The following NLGN1 variants were observed in gnomAD, a reference collection of about 807,000 sequenced individuals.
NLGN1 encodes the protein neuroligin-1.
In NLGN1, 12 loss-of-function variants were observed where a neutral mutation model predicts 65.5. The ratio of observed to expected loss-of-function variants is 0.18; its 90% CI spans 0.12 to 0.30. The LOEUF (loss-of-function observed/expected upper bound fraction) is 0.30. NLGN1 is among the 10% of genes least tolerant of loss of function. The probability of loss-of-function intolerance (pLI) is 1.00; values close to 1 mark genes in which losing one functional copy is unlikely to be tolerated. For synonymous variants in NLGN1, 350 were observed against 359.5 expected, an observed-to-expected ratio of 0.97 and a Z score of 0.30; for missense variants, 750 against 1,007.1, an observed-to-expected ratio of 0.74 and a Z score of 3.46.
chr3:173,829,197 C>T (rs549065583), intron 4 of NLGN1, among the ~76,000 whole-genome samples: 219 of 152,060 alleles, frequency 1.4e-3, no homozygotes, highest in Non-Finnish European at 2.6e-3. Flanking sequence ...ATATTCTGAG[C>T]GGGAGAAGAT....
chr3:173,715,574 G>A (rs1229717574), intron 3 of NLGN1, among the ~76,000 whole-genome samples: 3 of 152,188 alleles, frequency 2.0e-5, no homozygotes, highest in Non-Finnish European at 4.4e-5. Context: ...GGAAGGTTCT[G>A]TATCCCTTTT....
At chr3:173,752,521 A>C (rs1320277194) in intron 3 of NLGN1, among the ~76,000 whole-genome samples, 2 of 151,520 alleles carry the variant, frequency 1.3e-5, no homozygotes, top group Non-Finnish European at 2.9e-5. Flanking sequence ...GAATCAACCA[A>C]CTCTTCCTTA....
At chr3:173,607,910 G>A (rs1229679061) in intron 3 of NLGN1, among the ~76,000 whole-genome samples, 1 of 151,498 alleles carries the variant, frequency 6.6e-6, no homozygotes, top group Non-Finnish European at 1.5e-5. Flanking sequence ...TATTATGTAT[G>A]GATCACCTGC....
chr3:173,880,843 C>T (rs1733087937), intron 4 of NLGN1, among the ~76,000 whole-genome samples: 1 of 152,100 alleles, frequency 6.6e-6, no homozygotes, highest in African/African-American at 2.4e-5. Context: ...TGTTTGATAG[C>T]ATTTTACTCA....
chr3:173,506,838 C>T (rs1260117009), intron 2 of NLGN1, among the ~76,000 whole-genome samples: 3 of 152,084 alleles, frequency 2.0e-5, no homozygotes, highest in Admixed American at 2.0e-4. Flanking sequence ...TTGTGTCAGT[C>T]ATTGTGTTTA....
intron 4 of NLGN1, among the ~76,000 whole-genome samples, chr3:174,156,338 CA>C (rs1464355651): frequency 6.6e-6 from 1 of 151,858 alleles, no homozygotes; most frequent in Non-Finnish European, 1.5e-5. Flanking sequence ...CTGGCAGGGT[CA>C]GCTGGGCTCC....
intron 4 of NLGN1, among the ~76,000 whole-genome samples, chr3:174,256,968 C>T (rs1577629090): frequency 6.6e-6 from 1 of 152,102 alleles, no homozygotes; most frequent in East Asian, 1.9e-4. Flanking sequence ...ACAGAGAAAA[C>T]AGACAATCTA....
intron 4 of NLGN1, among the ~76,000 whole-genome samples, chr3:173,819,500 C>T (rs958670573): frequency 3.9e-5 from 6 of 152,178 alleles, no homozygotes; most frequent in African/African-American, 1.4e-4. Flanking sequence ...TCAGGCAGGC[C>T]ATGCTAGACT....
At chr3:173,414,803 G>C (rs942049954) in intron 1 of NLGN1, among the ~76,000 whole-genome samples, 1 of 152,212 alleles carries the variant, frequency 6.6e-6, no homozygotes, top group Non-Finnish European at 1.5e-5. Flanking sequence ...GAAAGGTGAA[G>C]TGGGTGGTTT....
intron 4 of NLGN1, among the ~76,000 whole-genome samples, chr3:174,190,919 C>T (rs1366596134): frequency 6.6e-6 from 1 of 151,920 alleles, no homozygotes; most frequent in South Asian, 2.1e-4. Context: ...AAGGCAAATA[C>T]GAAGGGTTTG....
intron 4 of NLGN1, among the ~76,000 whole-genome samples, chr3:173,923,706 G>T (rs1465158830): frequency 6.6e-6 from 1 of 151,998 alleles, no homozygotes; most frequent in African/African-American, 2.4e-5. Context: ...ATTAAGTAAA[G>T]AAAATATTTA....
At chr3:174,064,478 C>T (rs1268969817) in intron 4 of NLGN1, among the ~76,000 whole-genome samples, 1 of 151,774 alleles carries the variant, frequency 6.6e-6, no homozygotes, top group Admixed American at 6.6e-5. Flanking sequence ...CCACTACTTA[C>T]TAGCTGTGTA....
At chr3:174,041,987 G>A (rs1218160753) in intron 4 of NLGN1, among the ~76,000 whole-genome samples, 6 of 152,064 alleles carry the variant, frequency 3.9e-5, no homozygotes, top group African/African-American at 1.4e-4. Context: ...CTGGGAGGTA[G>A]AGGTTGCAGT....
At chr3:173,501,757 G>T (rs1731164568) in intron 2 of NLGN1, among the ~76,000 whole-genome samples, 2 of 151,590 alleles carry the variant, frequency 1.3e-5, no homozygotes, top group South Asian at 4.1e-4. Flanking sequence ...TTCAGTGTAT[G>T]TAAAAACATC....
chr3:173,695,557 C>T (rs1435803777), intron 3 of NLGN1: 2 of 346,712 alleles, frequency 5.8e-6, no homozygotes, highest in Non-Finnish European at 1.1e-5. Flanking sequence ...TTTTTCAGTG[C>T]CTCTTACACT....
chr3:173,490,768 A>C lies in NLGN1; in HGVS notation c.-321+55690A>C, dbSNP rs371193780. ...ATTTGTTTGTATCCTCTTTTATTTC[A>C]TTGAGCAGTGGTTTGTAGTTCTCCT... On this transcript the variant is annotated intron_variant, in intron 2 of 6. Coordinates refer to ENST00000457714, the Ensembl canonical transcript of NLGN1. 1.3e-4 allele frequency among the ~76,000 whole-genome samples: 20 copies of C among 151,834 alleles called. 1 individual carries two copies. In the South Asian group the frequency reaches 1.5e-3, roughly 11 times the overall value.
At chr3:173,907,258 T>C (rs1156733934) in intron 4 of NLGN1, among the ~76,000 whole-genome samples, 1 of 152,220 alleles carries the variant, frequency 6.6e-6, no homozygotes, top group Non-Finnish European at 1.5e-5. Flanking sequence ...AAGGATATTT[T>C]CCTCAGCAAC....
In NLGN1 at chr3:174,168,558, T is replaced by C. The variant is rs1210737660; in HGVS notation, c.647-106757T>C. Reference sequence around the variant, plus strand: ...ATTGGCTATTGGGCTGGGCAGTTCATCCTACAAGCCCATAAATGTCACTTA... The same window carrying C: ...ATTGGCTATTGGGCTGGGCAGTTCACCCTACAAGCCCATAAATGTCACTTA... On this transcript the variant is annotated intron_variant, in intron 4 of 6. Transcript: ENST00000457714. Among the ~76,000 whole-genome samples, 3 of 152,158 alleles carry C rather than the reference T, an allele frequency of 2.0e-5. No homozygotes were observed. The East Asian group carries it at 5.8e-4, about 29-fold the overall frequency.
intron 3 of NLGN1, among the ~76,000 whole-genome samples, chr3:173,689,054 C>A (rs1032329531): frequency 6.6e-6 from 1 of 152,204 alleles, no homozygotes; most frequent in East Asian, 1.9e-4. Context: ...AGACCCAGAT[C>A]TGCTCTTACT....
Sources: gnomAD v4.1 joint callset for allele counts (sites outside exome capture counted in the v4.1 genomes callset) on GRCh38, gnomAD v4.1.1 for gene constraint, MANE v1.5 for transcripts, NCBI Gene and HGNC (gene_info 2026-07-23, HGNC 2026-07-21) for gene names.